OPCML: variants seen among roughly 807,000 people sequenced by gnomAD.
The protein encoded by OPCML is opioid-binding protein/cell adhesion molecule.
Under a neutral mutation model 37.8 loss-of-function variants are expected in OPCML, and 13 were observed. That is an observed-to-expected ratio of 0.34 (90% CI 0.22 to 0.55). The LOEUF is 0.55. OPCML is among the 20% of genes least tolerant of loss of function. The probability of loss-of-function intolerance (pLI) is 0.91; values close to 1 mark genes in which losing one functional copy is unlikely to be tolerated. For missense variants in OPCML, 341 were observed against 435.6 expected (o/e 0.78, Z 1.93); for synonymous variants, 176 against 168.8 (o/e 1.04, Z -0.33).
chr11:133,185,996 T>C (rs1377894848), intron 1 of OPCML, among the ~76,000 whole-genome samples: 1 of 152,204 alleles, frequency 6.6e-6, no homozygotes, highest in Admixed American at 6.5e-5. Flanking sequence ...CCAACAATGG[T>C]ATGACCATGT....
rs898613630 is a variant in OPCML at position 132,504,036 on chromosome 11, G to T, written c.505+25025C>A. ...TTGTATTGAAATAGAAGACCCAAAT[G>T]CATCTCTCAGCTTCTCACTAAGATA... On this transcript the variant is annotated intron_variant, in intron 4 of 7. Coordinates refer to ENST00000524381, the MANE Select transcript of OPCML (RefSeq NM_001012393.5). 5.3e-5 allele frequency among the ~76,000 whole-genome samples: 8 copies of T among 152,194 alleles called. No homozygotes were observed. In the South Asian group the frequency reaches 1.0e-3, roughly 20 times the overall value.
intron 1 of OPCML, among the ~76,000 whole-genome samples, chr11:133,369,039 C>G (rs1384669136): frequency 1.3e-5 from 2 of 152,124 alleles, no homozygotes; most frequent in Non-Finnish European, 2.9e-5. Flanking sequence ...AGGCAGAATG[C>G]CAGGAAATCC....
chr11:132,762,584 C>T (rs199969082), intron 2 of OPCML, among the ~76,000 whole-genome samples: 6 of 152,266 alleles, frequency 3.9e-5, no homozygotes, highest in East Asian at 3.9e-4. Context: ...ACACCAAGTT[C>T]GAACTTCCTG....
intron 2 of OPCML, among the ~76,000 whole-genome samples, chr11:132,749,534 T>C (rs1391769922): frequency 6.6e-6 from 1 of 152,152 alleles, no homozygotes; most frequent in African/African-American, 2.4e-5. Context: ...CAAACAGAGA[T>C]GTCATGTAGG....
At chr11:132,774,333 A>G (rs1946742752) in intron 2 of OPCML, among the ~76,000 whole-genome samples, 1 of 152,220 alleles carries the variant, frequency 6.6e-6, no homozygotes, top group Admixed American at 6.5e-5. Context: ...ATTAAATCAT[A>G]TTCTAATGGC....
At chr11:133,081,144 C>A (rs946014188) in intron 1 of OPCML, among the ~76,000 whole-genome samples, 18 of 152,198 alleles carry the variant, frequency 1.2e-4, no homozygotes, top group African/African-American at 4.3e-4. Flanking sequence ...CTCCTGACTT[C>A]AGGGTGACAG....
At chr11:132,942,210 A>G (rs1945601847) in intron 2 of OPCML, among the ~76,000 whole-genome samples, 1 of 152,192 alleles carries the variant, frequency 6.6e-6, no homozygotes, top group African/African-American at 2.4e-5. Flanking sequence ...TCATATTCCA[A>G]GATTCTCCAC....
intron 1 of OPCML, among the ~76,000 whole-genome samples, chr11:132,962,220 G>A (rs552649346): frequency 6.6e-6 from 1 of 152,204 alleles, no homozygotes; most frequent in Non-Finnish European, 1.5e-5. Context: ...GGCCAAGGAG[G>A]CTTCTTGATG....
intron 4 of OPCML, among the ~76,000 whole-genome samples, chr11:132,499,004 C>T (rs1211351600): frequency 2.0e-5 from 3 of 152,218 alleles, no homozygotes; most frequent in Admixed American, 6.5e-5. Flanking sequence ...AGGCTTTCTG[C>T]GTCTCAGGCA....
chr11:132,463,748 G>C (rs1565583613), intron 4 of OPCML, among the ~76,000 whole-genome samples: 1 of 152,178 alleles, frequency 6.6e-6, no homozygotes, highest in Non-Finnish European at 1.5e-5. Flanking sequence ...GTCATCTGTG[G>C]CATTTAAGTA....
chr11:133,294,795 T>TTTTC (rs1565555099), intron 1 of OPCML, among the ~76,000 whole-genome samples: 3 of 147,346 alleles, frequency 2.0e-5, no homozygotes, highest in Admixed American at 6.8e-5. Context: ...TTCTTTTTTT[T>TTTTC]TTTCTTTCTT....
intron 1 of OPCML, among the ~76,000 whole-genome samples, chr11:133,242,099 C>T (rs1219089794): frequency 1.3e-5 from 2 of 152,146 alleles, no homozygotes; most frequent in East Asian, 3.9e-4. Context: ...GAATCCTCCC[C>T]ACTCCTTGCA....
At chr11:133,175,163 G>A (rs1950349072) in intron 1 of OPCML, among the ~76,000 whole-genome samples, 1 of 152,216 alleles carries the variant, frequency 6.6e-6, no homozygotes, top group Non-Finnish European at 1.5e-5. Flanking sequence ...GGATCAGTCT[G>A]AGCAGATTTA....
chr11:132,730,818 G>C (rs1945050516), intron 2 of OPCML, among the ~76,000 whole-genome samples: 1 of 151,774 alleles, frequency 6.6e-6, no homozygotes, highest in South Asian at 2.1e-4. Context: ...AAATCCAAAA[G>C]CTGGCTTATA....
intron 3 of OPCML, among the ~76,000 whole-genome samples, chr11:132,648,153 C>T (rs571004907): frequency 2.6e-5 from 4 of 152,240 alleles, no homozygotes; most frequent in South Asian, 2.1e-4. Context: ...ACTAATCTTG[C>T]GGGTGGTGAG....
At position 132,702,871 on chromosome 11, in the gene OPCML, T is replaced by G. The variant is rs1336777595; in HGVS notation, c.147-45552A>C. On this transcript the variant is annotated intron_variant, in intron 2 of 7. Transcript: ENST00000524381. ...GAAATTCTTCATTTCAGTCATTGTC[T>G]TCCACAGAAGCAGGATTTCTGTTTG... Among the ~76,000 whole-genome samples the G allele has an allele frequency of 1.3e-5, 2 of 152,126 alleles. 1 individual carries two copies. The highest frequency in any genetic ancestry group is 4.1e-4 in the South Asian group (2 of 4,824).
At chr11:132,989,754 G>T (rs1007213030) in intron 1 of OPCML, among the ~76,000 whole-genome samples, 1 of 152,012 alleles carries the variant, frequency 6.6e-6, no homozygotes. Context: ...TGGGCCACTG[G>T]TTATAAATAA....
chr11:133,139,061 T>A (rs903550207), intron 1 of OPCML, among the ~76,000 whole-genome samples: 2 of 152,138 alleles, frequency 1.3e-5, no homozygotes, highest in African/African-American at 4.8e-5. Flanking sequence ...TAGCATACAT[T>A]TTTCCAGATA....
chr11:132,841,599 T>G (rs115158246), intron 2 of OPCML, among the ~76,000 whole-genome samples: 11,224 of 152,098 alleles, frequency 0.074, 513 homozygotes, highest in Middle Eastern at 0.12. Context: ...TAACTCCTTT[T>G]GAGGACGGGC....
Sources: gnomAD v4.1 joint callset for allele counts (sites outside exome capture counted in the v4.1 genomes callset) on GRCh38, gnomAD v4.1.1 for gene constraint, MANE v1.5 for transcripts, NCBI Gene and HGNC (gene_info 2026-07-23, HGNC 2026-07-21) for gene names.